Variants in RUBCN observed in about 807,000 individuals in gnomAD.
The protein encoded by RUBCN is run domain Beclin-1-interacting and cysteine-rich domain-containing protein.
In RUBCN, 74 loss-of-function variants were observed where a neutral mutation model predicts 113.2. The observed-to-expected ratio is 0.65, with a 90% CI of 0.54 to 0.79. RUBCN has a LOEUF of 0.79. Ranked by LOEUF, RUBCN falls within the 30% of genes least tolerant of loss-of-function variation. RUBCN has a pLI of 0.00. For synonymous variants in RUBCN, 480 were observed against 490.0 expected (o/e 0.98, Z 0.27); for missense variants, 1,109 against 1,251.7 (o/e 0.89, Z 1.72).
At chr3:197,684,087 A>C in intron 12 of RUBCN, 70 bp downstream of exon 12, 2 of 1,266,974 alleles carry the variant, frequency 1.6e-6, no homozygotes, top group Non-Finnish European at 2.3e-6. Flanking sequence ...CCATACACCA[A>C]GAACTGGGTT....
intron 1 of RUBCN, 143 bp downstream of exon 1, chr3:197,736,512 T>A: frequency 2.6e-6 from 1 of 388,042 alleles, no homozygotes; most frequent in Non-Finnish European, 4.9e-6. Flanking sequence ...CTCTGCGAAA[T>A]GCTTCCCAAA....
intron 2 of RUBCN, among the ~76,000 whole-genome samples, chr3:197,714,699 TTC>T (rs1725326382): frequency 6.6e-6 from 1 of 152,120 alleles, no homozygotes; most frequent in Non-Finnish European, 1.5e-5. Context: ...TGAGAATAAA[TTC>T]TGATAAAAAA....
chr3:197,749,703 A>G, upstream of RUBCN: 1 of 638,790 alleles, frequency 1.6e-6, no homozygotes, highest in Non-Finnish European at 2.8e-6. Context: ...ACTGCTCACA[A>G]CGGCGGTCCT....
At position 197,682,635 on chromosome 3, in the gene RUBCN, T is replaced by A. The variant is rs1322498263; in HGVS notation, c.1981-20A>T. On this transcript the variant is annotated intron_variant, in intron 13 of 19. Coordinates refer to ENST00000296343, the MANE Select transcript of RUBCN (RefSeq NM_014687.4). ...CAGGAGCTGCAGGAGGAAAGCACAG[T>A]TGGGGTAAGCTCGTGTCAGTGTGCT... 6.2e-7 allele frequency: 1 copy of A among 1,600,404 alleles called. No individual in the cohort carries two copies. Among genetic ancestry groups the A allele is most frequent in the East Asian group, 2.2e-5 (1 of 44,572 alleles).
upstream of RUBCN, among the ~76,000 whole-genome samples, chr3:197,738,818 C>T (rs1158769446): frequency 6.6e-6 from 1 of 151,870 alleles, no homozygotes; most frequent in East Asian, 1.9e-4. Context: ...TCTCAAATTC[C>T]TGGGCTCAAG....
chr3:197,745,044 T>C (rs1475536723), intron 1 of RUBCN, among the ~76,000 whole-genome samples: 1 of 152,042 alleles, frequency 6.6e-6, no homozygotes, highest in African/African-American at 2.4e-5. Flanking sequence ...CCCAGCACTT[T>C]GGGAGGCCGA....
intron 1 of RUBCN, among the ~76,000 whole-genome samples, chr3:197,721,056 G>A (rs758223946): frequency 6.6e-6 from 1 of 152,002 alleles, no homozygotes; most frequent in African/African-American, 2.4e-5. Context: ...ATACTCATCG[G>A]GGGTACTAGC....
Position 197,704,581 on chromosome 3 carries a change from G to A in RUBCN, c.424C>T (p.Leu142=), listed in dbSNP as rs769417761. The A allele has an allele frequency of 3.1e-6, 5 of 1,614,214 alleles. No homozygotes were observed. In the South Asian group the frequency reaches 5.5e-5, roughly 18 times the overall value. Residue 142 remains leucine (L), a synonymous_variant, in exon 4 of 20, where the codon CTG becomes TTG. Transcript: ENST00000296343. The part of the protein sequence containing the change: ...YHCLSAQLRP[L]LGDRQYIRKF... The stretch of plus-strand genomic sequence containing the variant: ...CTGATATACTGTCTATCCCCGAGCA[G>A]GGGCCGGAGCTGGGCTGAGAGGCAG...
chr3:197,677,781 T>G (rs1036600678), intron 16 of RUBCN, among the ~76,000 whole-genome samples: 3 of 148,000 alleles, frequency 2.0e-5, no homozygotes, highest in African/African-American at 5.0e-5. Flanking sequence ...ACGCTCTAAC[T>G]CGACACCTGG....
rs767982852 is a variant in RUBCN at position 197,694,417 on chromosome 3, T to C, written c.1642A>G (p.Thr548Ala). 54 of 1,614,130 alleles carry C rather than the reference T, an allele frequency of 3.3e-5. No individual in the cohort carries two copies. The highest frequency in any genetic ancestry group is 1.6e-4 in the Middle Eastern group (1 of 6,084). The change falls in exon 10 of 20, where the codon ACC becomes GCC. Residue 548 changes from threonine to alanine, a missense_variant. Coordinates refer to ENST00000296343, the MANE Select transcript of RUBCN (RefSeq NM_014687.4). ...KIRLRRQQIR[T>A]KNLLPMYQEA... is the part of the protein sequence containing the mutation. ...TGGTACATGGGGAGCAGGTTCTTGGTGCGGATTTGCTGGCGCCGAAGGCGG... is the reference window on the plus strand; with the variant it reads ...TGGTACATGGGGAGCAGGTTCTTGGCGCGGATTTGCTGGCGCCGAAGGCGG...
intron 6 of RUBCN, 24 bp downstream of exon 6, chr3:197,701,684 G>GACC (rs772652403): frequency 3.1e-6 from 5 of 1,610,260 alleles, no homozygotes; most frequent in Non-Finnish European, 4.2e-6. Flanking sequence ...TAAATGTAAT[G>GACC]ACCACTTTTT....
chr3:197,701,432 G>C (rs1723657425), intron 6 of RUBCN, among the ~76,000 whole-genome samples: 1 of 152,216 alleles, frequency 6.6e-6, no homozygotes, highest in Non-Finnish European at 1.5e-5. Flanking sequence ...CCTAGTACAT[G>C]ATTGGCAATC....
chr3:197,728,837 G>C (rs1480397178), intron 1 of RUBCN, among the ~76,000 whole-genome samples: 2 of 152,156 alleles, frequency 1.3e-5, no homozygotes, highest in South Asian at 4.1e-4. Context: ...TTTAAGGGAC[G>C]ACTAAGAGCT....
chr3:197,679,188 G>A (rs561843105), intron 16 of RUBCN, among the ~76,000 whole-genome samples: 13 of 146,024 alleles, frequency 8.9e-5, no homozygotes, highest in Admixed American at 7.5e-4. Context: ...ACTGTCCTAC[G>A]CTCTGACAAC....
chr3:197,695,846 T>A lies in RUBCN; in HGVS notation c.1473+20A>T. ...AATCTCCCAACTCATGAGCTCTTCATGAGGCCCTCGATTTCCCACCTTTTC... is the reference window on the plus strand; with the variant it reads ...AATCTCCCAACTCATGAGCTCTTCAAGAGGCCCTCGATTTCCCACCTTTTC... On this transcript the variant is annotated intron_variant, in intron 9 of 19. Transcript: ENST00000296343. 1 of 1,610,346 alleles carries A rather than the reference T, an allele frequency of 6.2e-7. No homozygotes were observed. Among genetic ancestry groups the A allele is most frequent in the Non-Finnish European group, 8.5e-7 (1 of 1,176,520 alleles).
intron 16 of RUBCN, among the ~76,000 whole-genome samples, chr3:197,679,322 G>A (rs1418172924): frequency 1.3e-5 from 2 of 148,188 alleles, no homozygotes; most frequent in Non-Finnish European, 3.0e-5. Flanking sequence ...CGCTCTGACT[G>A]ACAACTGGCT....
chr3:197,698,880 G>C (rs1260854229), intron 7 of RUBCN, among the ~76,000 whole-genome samples: 1 of 135,414 alleles, frequency 7.4e-6, no homozygotes, highest in African/African-American at 2.7e-5. Flanking sequence ...AGAAAAAAAA[G>C]TCTGCTACTG....
At chr3:197,684,687 CACATATATAT>C (rs1721638156) in intron 11 of RUBCN, among the ~76,000 whole-genome samples, 2 of 151,404 alleles carry the variant, frequency 1.3e-5, no homozygotes, top group Non-Finnish European at 2.9e-5. Context: ...CACATATATA[CACATATATAT>C]ACATATATAC....
chr3:197,669,817 T>C lies in RUBCN; in HGVS notation c.*5201A>G, dbSNP rs1719619891. 1.3e-5 allele frequency among the ~76,000 whole-genome samples: 2 copies of C among 152,248 alleles called. No individual in the cohort carries two copies. Among genetic ancestry groups the C allele is most frequent in the Admixed American group, 6.5e-5 (1 of 15,282 alleles). On this transcript the variant is annotated 3_prime_UTR_variant, in exon 20 of 20. Coordinates refer to ENST00000296343, the MANE Select transcript of RUBCN (RefSeq NM_014687.4). Reference sequence around the variant, plus strand: ...TATGTATGGACTAATAAATATATATTTGACATACACTTTTTCTAACTTCTT... The same window carrying C: ...TATGTATGGACTAATAAATATATATCTGACATACACTTTTTCTAACTTCTT...
Sources: allele counts gnomAD v4.1 joint callset (sites outside exome capture counted in the v4.1 genomes callset), GRCh38; gene constraint gnomAD v4.1.1; transcripts MANE v1.5; gene names NCBI Gene and HGNC (gene_info 2026-07-23, HGNC 2026-07-21).